TTC38: variants seen among roughly 807,000 people sequenced by gnomAD.
TTC38 encodes the protein tetratricopeptide repeat protein 38.
Under a neutral mutation model 64.2 loss-of-function variants are expected in TTC38, and 64 were observed. The observed-to-expected ratio is 1.00, with a 90% CI of 0.81 to 1.23. The LOEUF (loss-of-function observed/expected upper bound fraction) is 1.23, where lower values mean the gene tolerates loss of function less well. TTC38 is among the 50% of genes most tolerant of loss of function. The pLI is 0.00. For synonymous variants in TTC38, 254 were observed against 249.3 expected, an observed-to-expected ratio of 1.02 and a Z score of -0.18; for missense variants, 573 against 615.5, an observed-to-expected ratio of 0.93 and a Z score of 0.73.
intron 9 of TTC38, among the ~76,000 whole-genome samples, chr22:46,286,191 A>C (rs1265965360): frequency 1.4e-5 from 2 of 145,782 alleles, no homozygotes; most frequent in Non-Finnish European, 3.1e-5. Flanking sequence ...TGAGAGGGGG[A>C]AAAAAAAAAG....
chr22:46,274,568 C>T lies in TTC38; in HGVS notation c.365+499C>T, dbSNP rs928565358. 2.0e-5 allele frequency among the ~76,000 whole-genome samples: 3 copies of T among 152,174 alleles called. No individual in the cohort carries two copies. The highest frequency in any genetic ancestry group is 3.9e-4 in the East Asian group (2 of 5,188). ...AGGCGAGATGCCCTGCAGAGTTAGG[C>T]GACCCTAGCCGATTGTGCAGGGACT... On this transcript the variant is annotated intron_variant, in intron 4 of 13. Coordinates refer to ENST00000381031, the MANE Select transcript of TTC38 (RefSeq NM_017931.4). The surrounding 1 kb of genome is among the most constrained non-coding windows in gnomAD (Gnocchi z 4.8).
At chr22:46,278,007 T>G (rs965584878) in intron 5 of TTC38, among the ~76,000 whole-genome samples, 3 of 152,200 alleles carry the variant, frequency 2.0e-5, no homozygotes, top group Non-Finnish European at 4.4e-5. Flanking sequence ...CGTGCTGGGC[T>G]TGGGGATGAT....
At chr22:46,283,646 G>A (rs948958236) in intron 7 of TTC38, among the ~76,000 whole-genome samples, 4 of 152,176 alleles carry the variant, frequency 2.6e-5, no homozygotes, top group African/African-American at 9.6e-5. Flanking sequence ...GAGGTCAGAA[G>A]TTCGAGACCA....
rs567342530 is a variant in TTC38 at position 46,282,366 on chromosome 22, C to T, written c.735+648C>T. ...GGTGGTGTCCAGGCAGAGGCAGAAA[C>T]GCCTGCAGAGGCCTCAGGGAAGGAA... On this transcript the variant is annotated intron_variant, in intron 7 of 13. Transcript: ENST00000381031. The surrounding 1 kb of genome is among the most constrained non-coding windows in gnomAD (Gnocchi z 4.4). Among the ~76,000 whole-genome samples, 12 of 152,130 alleles carry T rather than the reference C, an allele frequency of 7.9e-5. No individual in the cohort carries two copies. The South Asian group carries it at 1.7e-3, about 21-fold the overall frequency.
Position 46,281,636 on chromosome 22 carries a change from A to C in TTC38, c.653A>C (p.His218Pro). The change falls in exon 7 of 14, where the codon CAC (histidine) becomes CCC (proline). Residue 218 changes from histidine to proline, a missense_variant. By Grantham distance (77) the His-to-Pro change is moderately conservative. Transcript: ENST00000381031. This position sits in a 1 kb window ranked among gnomAD's most constrained non-coding sequence, Gnocchi z 5.2. Reference protein sequence around the residue: ...SINPTDAWSVHTVAHIHEMKA... With the variant: ...SINPTDAWSVPTVAHIHEMKA... Reference sequence around the variant, plus strand: ...AACCCGACAGACGCATGGTCGGTGCACACCGTCGCTCACATCCACGAGATG... The same window carrying C: ...AACCCGACAGACGCATGGTCGGTGCCCACCGTCGCTCACATCCACGAGATG... 1 of 1,614,178 alleles carries C rather than the reference A, an allele frequency of 6.2e-7. No homozygotes were observed. Among genetic ancestry groups the C allele is most frequent in the East Asian group, 2.2e-5 (1 of 44,878 alleles).
In TTC38 at chr22:46,288,455, C is replaced by T. The variant is rs1411902218; in HGVS notation, c.949C>T (p.Leu317=). 6.2e-7 allele frequency: 1 copy of T among 1,613,964 alleles called. No homozygotes were observed. Among genetic ancestry groups the T allele is most frequent in the Non-Finnish European group, 8.5e-7 (1 of 1,179,880 alleles). The change falls in exon 11 of 14, where the codon CTG becomes TTG. Residue 317 remains leucine, a synonymous_variant. Transcript: ENST00000381031. ...TGTGGGCCAGCGGTGGCAGGATGTCCTGCCTGTGGCCCGGAAGCACAGCCG... is the reference window on the plus strand; with the variant it reads ...TGTGGGCCAGCGGTGGCAGGATGTCTTGCCTGTGGCCCGGAAGCACAGCCG... ...VSVGQRWQDV[L]PVARKHSRDH...
Position 46,283,953 on chromosome 22 carries a change from C to CGTTT in TTC38, c.736-20_736-19insGTTT. 3.8e-6 allele frequency: 5 copies of CGTTT among 1,313,272 alleles called. No individual in the cohort carries two copies. Among genetic ancestry groups the CGTTT allele is most frequent in the African/African-American group, 3.1e-5 (2 of 65,504 alleles). 81.4% of individuals were successfully genotyped at this position (1,313,272 alleles called of 1,614,324 possible). On this transcript the variant is annotated intron_variant, in intron 7 of 13. Coordinates refer to ENST00000381031, the MANE Select transcript of TTC38 (RefSeq NM_017931.4). The stretch of plus-strand genomic sequence containing the variant: ...GGCCTTCAGACTTTTCATAAATTCT[C>CGTTT]TTTTTTTTTTTTTCTCCAGGACTCT...
chr22:46,292,976 C>A lies in TTC38; in HGVS notation c.*92C>A. ...CACCGGGTTAGGGTCAGGAGACGGC[C>A]AGAGCCTGTTTGTTAGGGCTGTTAG... On this transcript the variant is annotated 3_prime_UTR_variant, in exon 14 of 14. Coordinates refer to ENST00000381031, the MANE Select transcript of TTC38 (RefSeq NM_017931.4). This position sits in a 1 kb window ranked among gnomAD's most constrained non-coding sequence, Gnocchi z 6.5. The A allele has an allele frequency of 1.0e-6, 1 of 996,308 alleles. No homozygotes were observed. 61.7% of individuals were successfully genotyped at this position (996,308 alleles called of 1,614,324 possible). A position where few individuals can be genotyped will look rare whatever the true frequency, so the allele number is the denominator to read the frequency against.
intron 8 of TTC38, 103 bp downstream of exon 8, chr22:46,284,135 A>G: frequency 1.1e-6 from 1 of 930,784 alleles, no homozygotes. Flanking sequence ...TGGAGCCCTG[A>G]TGCAATGGAG....
chr22:46,274,143 GAT>G lies in TTC38; in HGVS notation c.365+75_365+76del. The stretch of plus-strand genomic sequence containing the variant: ...GGGAGTGGCAGGGTATCCCTTTCCT[GAT>G]GCCCTTGGGACGGGGGCGGGGTGGG... On this transcript the variant is annotated intron_variant, in intron 4 of 13. Coordinates refer to ENST00000381031, the MANE Select transcript of TTC38 (RefSeq NM_017931.4). The surrounding 1 kb of genome is among the most constrained non-coding windows in gnomAD (Gnocchi z 4.8). The G allele has an allele frequency of 1.5e-6, 2 of 1,299,418 alleles. No individual in the cohort carries two copies. Among genetic ancestry groups the G allele is most frequent in the Non-Finnish European group, 1.1e-6 (1 of 924,176 alleles). The allele number at this position is 1,299,418 out of a possible 1,614,324, so 80.5% of individuals were successfully genotyped here.
chr22:46,277,082 C>T (rs979543698), intron 5 of TTC38, among the ~76,000 whole-genome samples: 1 of 149,850 alleles, frequency 6.7e-6, no homozygotes, highest in Admixed American at 6.7e-5. Context: ...CACACACACA[C>T]ACATACATTT....
At chr22:46,277,063 A>T (rs890846915) in intron 5 of TTC38, among the ~76,000 whole-genome samples, 11 of 150,938 alleles carry the variant, frequency 7.3e-5, no homozygotes, top group Non-Finnish European at 1.5e-4. Flanking sequence ...ACACACACAC[A>T]CACACACACA....
intron 5 of TTC38, 110 bp from the exon 6 acceptor site, chr22:46,278,476 C>G (rs971545364): frequency 2.2e-6 from 2 of 902,838 alleles, no homozygotes; most frequent in Non-Finnish European, 3.6e-6. Flanking sequence ...CAAAAAAGGT[C>G]ACATTCCCAG....
Position 46,278,566 on chromosome 22 carries a change from AT to A in TTC38, c.540-19del. The A allele has an allele frequency of 6.2e-7, 1 of 1,605,026 alleles. No homozygotes were observed. The highest frequency in any genetic ancestry group is 8.5e-7 in the Non-Finnish European group (1 of 1,171,914). On this transcript the variant is annotated intron_variant, in intron 5 of 13. Transcript: ENST00000381031. ...CCCATCCATCATTTTGTATTCTGAG[AT>A]CTTTTTTTCTGTTTTTAGCTATGTG...
chr22:46,277,137 G>T (rs1278563385), intron 5 of TTC38, among the ~76,000 whole-genome samples: 2 of 151,144 alleles, frequency 1.3e-5, no homozygotes, highest in Non-Finnish European at 2.9e-5. Flanking sequence ...TTGCTTCAAT[G>T]AATAACAAAA....
intron 8 of TTC38, 99 bp downstream of exon 8, chr22:46,284,131 C>G: frequency 1.0e-6 from 1 of 980,626 alleles, no homozygotes; most frequent in Non-Finnish European, 1.6e-6. Flanking sequence ...CCGTTGGAGC[C>G]CTGATGCAAT....
rs1315073071 is a variant in TTC38, at chr22:46,277,036, TATATATAC to T, written c.540-1546_540-1539del. Among the ~76,000 whole-genome samples, 643 of 78,248 alleles carry T rather than the reference TATATATAC, an allele frequency of 8.2e-3. 3 individuals carry two copies. Among genetic ancestry groups the T allele is most frequent in the African/African-American group, 0.036 (579 of 16,296 alleles). 51.3% of individuals were successfully genotyped at this position (78,248 alleles called of 152,430 possible). A position where few individuals can be genotyped will look rare whatever the true frequency, so the allele number is the denominator to read the frequency against. On this transcript the variant is annotated intron_variant, in intron 5 of 13. Coordinates refer to ENST00000381031, the MANE Select transcript of TTC38 (RefSeq NM_017931.4). ...TTAAATGACCCCAGTAAACAATACA[TATATATAC>T]ATACACACACACACACACACACACA...
In TTC38 at chr22:46,275,257, G is replaced by A. The variant is rs35254267; in HGVS notation, c.375G>A (p.Pro125=). ...AVETFANGNF[P]KACELWEQIL... is the part of the protein sequence containing the mutation. ...CTTTCTCGGTTTCCAGGAACTTTCCGAAAGCCTGTGAACTATGGGAACAGA... is the reference window on the plus strand; with the variant it reads ...CTTTCTCGGTTTCCAGGAACTTTCCAAAAGCCTGTGAACTATGGGAACAGA... Residue 125 remains proline, a synonymous_variant, in exon 5 of 14, where the codon CCG becomes CCA. Transcript: ENST00000381031. This position sits in a 1 kb window ranked among gnomAD's most constrained non-coding sequence, Gnocchi z 4.5. 3.3e-3 allele frequency: 5,316 copies of A among 1,612,418 alleles called. 143 individuals carry two copies. The African/African-American group carries it at 0.06, about 18-fold the overall frequency.
rs2077632813 is a variant in TTC38 at position 46,293,652 on chromosome 22, G to A, written c.*768G>A. 1 of 152,256 alleles carries A rather than the reference G, an allele frequency of 6.6e-6. No homozygotes were observed. The highest frequency in any genetic ancestry group is 2.4e-5 in the African/African-American group (1 of 41,458). The allele number at this position is 152,256 out of a possible 1,614,324, so 9.4% of individuals were successfully genotyped here. ...TCATAAATGCACTTCTGAGGTGCAA[G>A]GATTGAGCTCAGAGCTGCTCTGTTG... On this transcript the variant is annotated 3_prime_UTR_variant, in exon 14 of 14. Coordinates refer to ENST00000381031, the MANE Select transcript of TTC38 (RefSeq NM_017931.4). The surrounding 1 kb of genome is among the most constrained non-coding windows in gnomAD (Gnocchi z 6.6).
Sources: gnomAD v4.1 joint callset for allele counts (sites outside exome capture counted in the v4.1 genomes callset) on GRCh38, gnomAD v4.1.1 for gene constraint, Gnocchi (gnomAD v3.1) non-coding constraint, MANE v1.5 for transcripts, NCBI Gene and HGNC (gene_info 2026-07-23, HGNC 2026-07-21) for gene names.